Variants in GRIK1 observed in about 807,000 individuals in gnomAD.
The protein encoded by GRIK1 is glutamate ionotropic receptor kainate type subunit 1.
A neutral mutation model predicts 105.7 loss-of-function variants in GRIK1; 69 were observed. That is an observed-to-expected ratio of 0.65 (90% confidence interval 0.54 to 0.80). The LOEUF (loss-of-function observed/expected upper bound fraction) is 0.80. Ranked by LOEUF, GRIK1 falls within the 30% of genes least tolerant of loss-of-function variation. The probability of loss-of-function intolerance (pLI) is 0.00; values close to 1 mark genes in which losing one functional copy is unlikely to be tolerated. For missense variants in GRIK1, 1,109 were observed against 1,167.3 expected (o/e 0.95, Z 0.73); for synonymous variants, 438 against 431.3 (o/e 1.02, Z -0.19).
chr21:29,546,026 G>A (rs1249544521), intron 16 of GRIK1, among the ~76,000 whole-genome samples: 1 of 152,052 alleles, frequency 6.6e-6, no homozygotes, highest in Non-Finnish European at 1.5e-5. Flanking sequence ...GTGTCTAGAG[G>A]GCCCAGGATC....
chr21:29,601,895 AT>A (rs1439254003), intron 7 of GRIK1, among the ~76,000 whole-genome samples: 3 of 151,634 alleles, frequency 2.0e-5, no homozygotes, highest in African/African-American at 7.3e-5. Context: ...AGGCACTTTA[AT>A]TTTTTTCTCG....
chr21:29,718,407 A>C (rs2064230286), intron 1 of GRIK1, among the ~76,000 whole-genome samples: 1 of 152,158 alleles, frequency 6.6e-6, no homozygotes, highest in Non-Finnish European at 1.5e-5. Flanking sequence ...CCTCATAAAC[A>C]CTCATATGCG....
intron 1 of GRIK1, among the ~76,000 whole-genome samples, chr21:29,791,345 T>A (rs556751470): frequency 2.0e-5 from 3 of 152,096 alleles, no homozygotes; most frequent in Non-Finnish European, 4.4e-5. Flanking sequence ...GGAAAAGGGT[T>A]TGGGGGCACT....
chr21:29,603,904 T>C (rs1482625362), intron 7 of GRIK1, among the ~76,000 whole-genome samples: 2 of 152,208 alleles, frequency 1.3e-5, no homozygotes, highest in African/African-American at 4.8e-5. Flanking sequence ...GTTATCTTCA[T>C]TAAATTCTAT....
At chr21:29,577,650 A>T (rs1454726529) in intron 13 of GRIK1, among the ~76,000 whole-genome samples, 1 of 152,246 alleles carries the variant, frequency 6.6e-6, no homozygotes, top group African/African-American at 2.4e-5. Context: ...TATCACATAT[A>T]CTTTAATAAA....
At chr21:29,895,008 A>G (rs531192933) in intron 1 of GRIK1, among the ~76,000 whole-genome samples, 10 of 152,330 alleles carry the variant, frequency 6.6e-5, no homozygotes, top group African/African-American at 2.4e-4. Context: ...CAAATATTCA[A>G]TTAAGATGCT....
At chr21:29,596,450 G>T in intron 9 of GRIK1, 76 bp downstream of exon 9, 1 of 955,560 alleles carries the variant, frequency 1.0e-6, no homozygotes, top group Non-Finnish European at 1.7e-6. Context: ...TGGTAACATT[G>T]GAAGGGCACA....
chr21:29,622,938 A>G (rs868351767), intron 7 of GRIK1, among the ~76,000 whole-genome samples: 5 of 152,196 alleles, frequency 3.3e-5, no homozygotes, highest in African/African-American at 1.2e-4. Flanking sequence ...TAATTATAAT[A>G]TCTTCAAGAC....
intron 1 of GRIK1, among the ~76,000 whole-genome samples, chr21:29,782,308 G>T (rs538373018): frequency 3.9e-5 from 6 of 151,972 alleles, no homozygotes; most frequent in Non-Finnish European, 7.4e-5. Context: ...GGATGGTCTC[G>T]ATCTCCTGAC....
In GRIK1 at chr21:29,870,771, T is replaced by C. The variant is rs925518816; in HGVS notation, c.118+68612A>G. ...TCAACCTCCACAGTAGAACCAGAATTATATTTATAATATAAATCTGATCAT... is the reference window on the plus strand; with the variant it reads ...TCAACCTCCACAGTAGAACCAGAATCATATTTATAATATAAATCTGATCAT... On this transcript the variant is annotated intron_variant, in intron 1 of 17. Transcript: ENST00000327783. Among the ~76,000 whole-genome samples, 13 of 152,170 alleles carry C rather than the reference T, an allele frequency of 8.5e-5. 1 individual carries two copies. The highest frequency in any genetic ancestry group is 3.1e-4 in the African/African-American group (13 of 41,448).
At chr21:29,837,888 G>C (rs993335190) in intron 1 of GRIK1, among the ~76,000 whole-genome samples, 7 of 152,002 alleles carry the variant, frequency 4.6e-5, no homozygotes, top group Non-Finnish European at 1.0e-4. Flanking sequence ...TCTATATTTT[G>C]CCCCAAGAAA....
chr21:29,887,910 G>A (rs930626484), intron 1 of GRIK1, among the ~76,000 whole-genome samples: 7 of 152,144 alleles, frequency 4.6e-5, no homozygotes, highest in East Asian at 1.9e-4. Flanking sequence ...TAGGGATAAT[G>A]CTTTCCCAAA....
chr21:29,797,592 A>G (rs1440499742), intron 1 of GRIK1, among the ~76,000 whole-genome samples: 3 of 152,194 alleles, frequency 2.0e-5, no homozygotes, highest in African/African-American at 4.8e-5. Flanking sequence ...TAATTTATTT[A>G]TAGTTAATCT....
At chr21:29,789,035 T>C (rs956913864) in intron 1 of GRIK1, among the ~76,000 whole-genome samples, 1 of 152,192 alleles carries the variant, frequency 6.6e-6, no homozygotes, top group African/African-American at 2.4e-5. Context: ...CTGAAAATAA[T>C]GGGTTTACTT....
chr21:29,706,718 G>A (rs2300316), intron 1 of GRIK1, among the ~76,000 whole-genome samples: 31,600 of 152,108 alleles, frequency 0.21, 6,517 homozygotes, highest in African/African-American at 0.52. Flanking sequence ...TATCACAGAG[G>A]GATCTGTGTT....
Position 29,651,158 on chromosome 21 carries a change from G to A in GRIK1, c.914C>T (p.Pro305Leu), listed in dbSNP as rs1374320749. 4 of 1,613,318 alleles carry A rather than the reference G, an allele frequency of 2.5e-6. No homozygotes were observed. The highest frequency in any genetic ancestry group is 2.2e-5 in the East Asian group (1 of 44,866). Residue 305 changes from proline (P) to leucine (L), a missense_variant, in exon 6 of 18, where the codon CCA (proline) becomes CTA (leucine). Pro to Leu is a moderately conservative substitution (Grantham distance 98, BLOSUM62 -3). This residue lies in a region of GRIK1 where 612 missense variants were observed against 586.0 expected (regional missense o/e 1.04). Transcript: ENST00000327783. Reference sequence around the variant, plus strand: ...CAAAAGGCCAGTCTCGGGCCTGGGTGGGGCCTGCAGTCTCTCCATGGACCA... The same window carrying A: ...CAAAAGGCCAGTCTCGGGCCTGGGTAGGGCCTGCAGTCTCTCCATGGACCA... Reference protein sequence around the residue: ...EKWSMERLQAPPRPETGLLDG... With the variant: ...EKWSMERLQALPRPETGLLDG...
chr21:29,564,831 A>G (rs182110550), intron 14 of GRIK1, among the ~76,000 whole-genome samples: 1 of 152,338 alleles, frequency 6.6e-6, no homozygotes, highest in East Asian at 1.9e-4. Context: ...AACAGCTGCA[A>G]CATTTCTAAA....
At chr21:29,938,104 A>AG (rs987224936) in intron 1 of GRIK1, among the ~76,000 whole-genome samples, 1 of 152,166 alleles carries the variant, frequency 6.6e-6, no homozygotes, top group Non-Finnish European at 1.5e-5. Context: ...AATAAAACCT[A>AG]GTATGTTCTG....
chr21:29,893,569 G>A (rs192546875), intron 1 of GRIK1, among the ~76,000 whole-genome samples: 190 of 152,240 alleles, frequency 1.2e-3, no homozygotes, highest in Non-Finnish European at 2.3e-3. Context: ...ATATTTGTAT[G>A]TTTTACCAGA....
Sources: allele counts gnomAD v4.1 joint callset (sites outside exome capture counted in the v4.1 genomes callset), GRCh38; gene constraint gnomAD v4.1.1; regional missense constraint gnomAD v4.1.1; transcripts MANE v1.5; gene names NCBI Gene and HGNC (gene_info 2026-07-23, HGNC 2026-07-21).